Variants in CAMTA1 observed in about 807,000 individuals in gnomAD.
CAMTA1 encodes calmodulin binding transcription activator 1.
Under a neutral mutation model 170.9 loss-of-function variants are expected in CAMTA1, and 27 were observed. That is an observed-to-expected ratio of 0.16 (90% CI 0.12 to 0.22). The LOEUF (loss-of-function observed/expected upper bound fraction) is 0.22. CAMTA1 is among the 10% of genes least tolerant of loss of function. The pLI, the probability that CAMTA1 is intolerant of heterozygous loss-of-function variation, is 1.00. For synonymous variants in CAMTA1, 833 were observed against 891.5 expected, an observed-to-expected ratio of 0.93 and a Z score of 1.17; for missense variants, 1,619 against 2,217.2, an observed-to-expected ratio of 0.73 and a Z score of 5.42.
chr1:7,203,260 T>G (rs945585478), intron 4 of CAMTA1, among the ~76,000 whole-genome samples: 1 of 152,176 alleles, frequency 6.6e-6, no homozygotes, highest in Non-Finnish European at 1.5e-5. Context: ...AGTATTTTGT[T>G]GAGGATTTTT....
intron 4 of CAMTA1, among the ~76,000 whole-genome samples, chr1:7,094,180 C>T (rs570800325): frequency 3.3e-5 from 5 of 152,332 alleles, no homozygotes; most frequent in African/African-American, 1.2e-4. Flanking sequence ...TTGAAAGCTT[C>T]TTGTCCCAGG....
intron 5 of CAMTA1, 137 bp from the exon 6 acceptor site, chr1:7,467,693 C>G: frequency 1.2e-6 from 1 of 809,346 alleles, no homozygotes; most frequent in Non-Finnish European, 2.2e-6. Flanking sequence ...TGGAGCCAGA[C>G]GCAGAGGTGC....
chr1:7,019,889 A>T (rs11120816), intron 3 of CAMTA1, among the ~76,000 whole-genome samples: 20,834 of 152,276 alleles, frequency 0.14, 1,548 homozygotes, highest in Non-Finnish European at 0.18. Flanking sequence ...TTTGCGATGA[A>T]GTCTTGGAAG....
At chr1:6,823,310 T>C (rs995138121) in intron 2 of CAMTA1, among the ~76,000 whole-genome samples, 8 of 152,004 alleles carry the variant, frequency 5.3e-5, no homozygotes, top group African/African-American at 1.7e-4. Flanking sequence ...ATTACCGAGG[T>C]TTTATAGTGT....
intron 1 of CAMTA1, among the ~76,000 whole-genome samples, chr1:6,815,633 A>T (rs948734725): frequency 6.6e-6 from 1 of 152,202 alleles, no homozygotes; most frequent in African/African-American, 2.4e-5. Flanking sequence ...AGTACTTTTT[A>T]AATCTTCTAG....
intron 3 of CAMTA1, among the ~76,000 whole-genome samples, chr1:6,877,661 C>T (rs898307500): frequency 6.6e-6 from 1 of 152,156 alleles, no homozygotes. Flanking sequence ...CAGGTGGGGT[C>T]GCAAATACTC....
intron 6 of CAMTA1, among the ~76,000 whole-genome samples, chr1:7,498,695 G>A (rs1347401123): frequency 1.4e-5 from 2 of 146,586 alleles, no homozygotes; most frequent in African/African-American, 5.1e-5. Flanking sequence ...ATGTATGTGT[G>A]TATATGTGTG....
intron 5 of CAMTA1, among the ~76,000 whole-genome samples, chr1:7,316,073 C>T (rs1163104517): frequency 1.3e-5 from 2 of 152,136 alleles, no homozygotes; most frequent in Non-Finnish European, 2.9e-5. Context: ...AGAAGAGCCC[C>T]TTATAAAACC....
intron 3 of CAMTA1, among the ~76,000 whole-genome samples, chr1:6,943,782 G>A (rs950848403): frequency 6.7e-6 from 1 of 149,764 alleles, no homozygotes; most frequent in African/African-American, 2.5e-5. Context: ...GGGAGGCGGA[G>A]GTTGCAGTGA....
At chr1:6,789,964 C>G (rs1640583189) in intron 1 of CAMTA1, among the ~76,000 whole-genome samples, 1 of 152,032 alleles carries the variant, frequency 6.6e-6, no homozygotes. Flanking sequence ...CGTGCACCAC[C>G]ATGTCCGGCT....
chr1:7,382,830 T>TGATTGATA (rs2087486681), intron 5 of CAMTA1: 1 of 149,186 alleles, frequency 6.7e-6, no homozygotes, highest in Admixed American at 6.7e-5. Context: ...GCTTCCTAGA[T>TGATTGATA]GATAGATAGA....
At position 7,322,950 on chromosome 1, in the gene CAMTA1, C is replaced by CCTCCT. The variant is rs1455788417; in HGVS notation, c.438+73328_438+73329insTCTCC. ...CTCCCTCTTCTCTTTCTTTCCCTCC[C>CCTCCT]CTCCCCTCCCCTTCCTCCGTTCCTC... is the stretch of plus-strand genomic sequence containing the variant. On this transcript the variant is annotated intron_variant, in intron 5 of 22. Transcript: ENST00000303635. Among the ~76,000 whole-genome samples the CCTCCT allele has an allele frequency of 9.1e-5, 13 of 143,416 alleles. 1 individual carries two copies. The Admixed American group carries it at 9.2e-4, about 10-fold the overall frequency. 94.1% of individuals were successfully genotyped at this position (143,416 alleles called of 152,430 possible).
Position 7,551,495 on chromosome 1 carries a change from G to T in CAMTA1, c.510+83594G>T, listed in dbSNP as rs192384756. 3.3e-5 allele frequency among the ~76,000 whole-genome samples: 5 copies of T among 152,320 alleles called. No homozygotes were observed. In the East Asian group the frequency reaches 5.8e-4, roughly 18 times the overall value. On this transcript the variant is annotated intron_variant, in intron 6 of 22. Coordinates refer to ENST00000303635, the MANE Select transcript of CAMTA1 (RefSeq NM_015215.4). ...CAGAGCATGCCTGAAGTGGCCTTGA[G>T]CTCCAGAGAACCGTGTGTCTTCCAG...
At chr1:7,672,349 A>G (rs1344298656) in intron 10 of CAMTA1, among the ~76,000 whole-genome samples, 2 of 152,024 alleles carry the variant, frequency 1.3e-5, no homozygotes, top group African/African-American at 4.8e-5. Flanking sequence ...CCCTTGAACC[A>G]TGCCCCCAGG....
chr1:7,663,306 A>T, intron 8 of CAMTA1, 47 bp from the exon 9 acceptor site: 1 of 1,512,878 alleles, frequency 6.6e-7, no homozygotes, highest in African/African-American at 1.4e-5. Context: ...GTGTGTGCAC[A>T]TGTGTGCCTG....
chr1:7,164,038 G>T (rs1647838152), intron 4 of CAMTA1, among the ~76,000 whole-genome samples: 1 of 152,176 alleles, frequency 6.6e-6, no homozygotes, highest in Non-Finnish European at 1.5e-5. Context: ...AGAGAATGCT[G>T]AGCTCTTCCC....
chr1:7,670,282 C>CAG (rs564514110), intron 9 of CAMTA1, among the ~76,000 whole-genome samples: 82 of 152,314 alleles, frequency 5.4e-4, no homozygotes, highest in Admixed American at 2.9e-3. Flanking sequence ...GCCCCAAACT[C>CAG]AGCTCCCAGG....
At chr1:7,502,987 G>A (rs544673749) in intron 6 of CAMTA1, among the ~76,000 whole-genome samples, 2 of 152,314 alleles carry the variant, frequency 1.3e-5, no homozygotes, top group Admixed American at 6.5e-5. Flanking sequence ...GCTTCCTGTG[G>A]GCAACGGCCA....
At chr1:7,183,307 A>G (rs1030515369) in intron 4 of CAMTA1, among the ~76,000 whole-genome samples, 6 of 152,176 alleles carry the variant, frequency 3.9e-5, no homozygotes, top group East Asian at 1.9e-4. Flanking sequence ...ATCCCCCCCA[A>G]TGACCCCAAT....
Sources: allele counts gnomAD v4.1 joint callset (sites outside exome capture counted in the v4.1 genomes callset), GRCh38; gene constraint gnomAD v4.1.1; transcripts MANE v1.5; gene names NCBI Gene and HGNC (gene_info 2026-07-23, HGNC 2026-07-21).